SGCZ: variants seen among roughly 807,000 people sequenced by gnomAD.
The protein encoded by SGCZ is sarcoglycan zeta.
In SGCZ, 40 loss-of-function variants were observed where a neutral mutation model predicts 41.3. The ratio of observed to expected loss-of-function variants is 0.97; its 90% CI spans 0.75 to 1.26. The LOEUF (loss-of-function observed/expected upper bound fraction) is 1.26. SGCZ is among the 50% of genes most tolerant of loss of function. The pLI, the probability that SGCZ is intolerant of heterozygous loss-of-function variation, is 0.00. For missense variants in SGCZ, 552 were observed against 369.8 expected, an observed-to-expected ratio of 1.49 and a Z score of -4.04; for synonymous variants, 206 against 137.5, an observed-to-expected ratio of 1.50 and a Z score of -3.49.
chr8:15,198,210 G>A (rs945723064), intron 1 of SGCZ, among the ~76,000 whole-genome samples: 5 of 151,646 alleles, frequency 3.3e-5, no homozygotes, highest in African/African-American at 9.7e-5. Flanking sequence ...AGCTAAGCAA[G>A]TGTAGCTAAA....
chr8:14,157,522 A>G (rs953095453), intron 5 of SGCZ, among the ~76,000 whole-genome samples: 1 of 151,234 alleles, frequency 6.6e-6, no homozygotes, highest in Non-Finnish European at 1.5e-5. Context: ...TACTATTTTT[A>G]CCAAGTGATA....
intron 1 of SGCZ, among the ~76,000 whole-genome samples, chr8:15,229,199 A>T (rs888579781): frequency 1.3e-5 from 2 of 151,628 alleles, no homozygotes; most frequent in Non-Finnish European, 2.9e-5. Flanking sequence ...CTCAAAAAAT[A>T]AAAAAAAATG....
intron 2 of SGCZ, among the ~76,000 whole-genome samples, chr8:14,348,371 T>A (rs1047750732): frequency 6.6e-6 from 1 of 152,122 alleles, no homozygotes; most frequent in Non-Finnish European, 1.5e-5. Context: ...TCACTTCTTG[T>A]GTCCCTGGCT....
chr8:15,097,438 C>T (rs893008486), intron 1 of SGCZ, among the ~76,000 whole-genome samples: 1 of 151,680 alleles, frequency 6.6e-6, no homozygotes, highest in African/African-American at 2.4e-5. Context: ...ACATTTATTG[C>T]TGAGTGTGAA....
chr8:15,017,269 G>A (rs187859706), intron 1 of SGCZ, among the ~76,000 whole-genome samples: 9 of 151,972 alleles, frequency 5.9e-5, no homozygotes, highest in African/African-American at 9.7e-5. Flanking sequence ...TATAGGATTC[G>A]ATAATGCATG....
intron 1 of SGCZ, among the ~76,000 whole-genome samples, chr8:14,777,724 G>T (rs191913266): frequency 1.3e-5 from 2 of 152,216 alleles, no homozygotes; most frequent in East Asian, 3.9e-4. Flanking sequence ...GTTAATGCAT[G>T]TATGTGGGTA....
chr8:14,143,042 T>A (rs545628060), intron 5 of SGCZ, among the ~76,000 whole-genome samples: 5 of 148,550 alleles, frequency 3.4e-5, no homozygotes, highest in African/African-American at 1.2e-4. Context: ...CCTGTGTCAA[T>A]AGGCTAAAAA....
intron 1 of SGCZ, among the ~76,000 whole-genome samples, chr8:15,132,989 T>TA (rs1807967494): frequency 6.6e-6 from 1 of 151,744 alleles, no homozygotes; most frequent in Non-Finnish European, 1.5e-5. Context: ...AGAACACAAA[T>TA]AAAATTAGCC....
At chr8:14,651,364 C>T (rs1037252852) in intron 1 of SGCZ, among the ~76,000 whole-genome samples, 2 of 151,950 alleles carry the variant, frequency 1.3e-5, no homozygotes, top group African/African-American at 4.8e-5. Flanking sequence ...GTTGGCAGAG[C>T]AGGAATTGAA....
At chr8:14,712,039 T>A (rs1377886250) in intron 1 of SGCZ, among the ~76,000 whole-genome samples, 1 of 151,918 alleles carries the variant, frequency 6.6e-6, no homozygotes, top group African/African-American at 2.4e-5. Flanking sequence ...GAGGCTGAGG[T>A]GGGTGGATCA....
intron 4 of SGCZ, among the ~76,000 whole-genome samples, chr8:14,197,936 T>A (rs1297435024): frequency 6.6e-6 from 1 of 152,160 alleles, no homozygotes; most frequent in Non-Finnish European, 1.5e-5. Flanking sequence ...ACTAAAAGAA[T>A]GTTATTTTAG....
intron 2 of SGCZ, among the ~76,000 whole-genome samples, chr8:14,365,528 A>G (rs956738727): frequency 6.6e-6 from 1 of 152,048 alleles, no homozygotes; most frequent in Non-Finnish European, 1.5e-5. Context: ...TGTTTATTAT[A>G]GTGTTTGTCT....
intron 2 of SGCZ, among the ~76,000 whole-genome samples, chr8:14,384,246 G>A (rs1045190492): frequency 1.3e-5 from 2 of 152,044 alleles, no homozygotes; most frequent in African/African-American, 4.8e-5. Context: ...ATAGTTTGCT[G>A]AGAATGATGG....
chr8:15,157,204 T>C (rs17121056), intron 1 of SGCZ, among the ~76,000 whole-genome samples: 6,311 of 152,038 alleles, frequency 0.042, 318 homozygotes, highest in African/African-American at 0.12. Context: ...CCCATAAATA[T>C]TTTTCCCTAC....
chr8:14,772,269 A>G (rs1394458774), intron 1 of SGCZ, among the ~76,000 whole-genome samples: 3 of 152,110 alleles, frequency 2.0e-5, no homozygotes, highest in Non-Finnish European at 4.4e-5. Flanking sequence ...AACTTAGTAT[A>G]TTTTCAACTC....
chr8:15,222,218 T>C (rs1440681065), intron 1 of SGCZ, among the ~76,000 whole-genome samples: 1 of 152,182 alleles, frequency 6.6e-6, no homozygotes, highest in African/African-American at 2.4e-5. Context: ...AAATATAGGA[T>C]ATTGGATCCA....
At chr8:14,527,913 G>A (rs906535965) in intron 2 of SGCZ, among the ~76,000 whole-genome samples, 4 of 152,124 alleles carry the variant, frequency 2.6e-5, no homozygotes, top group South Asian at 2.1e-4. Context: ...AAAGTGGGAG[G>A]TGGGGGAGTA....
intron 1 of SGCZ, among the ~76,000 whole-genome samples, chr8:14,976,114 C>G (rs1200588070): frequency 6.6e-6 from 1 of 151,332 alleles, no homozygotes; most frequent in Non-Finnish European, 1.5e-5. Flanking sequence ...CCTCTGCCTC[C>G]TGGTTTCAAG....
chr8:15,159,261 G>A (rs1390889507), intron 1 of SGCZ, among the ~76,000 whole-genome samples: 2 of 152,182 alleles, frequency 1.3e-5, no homozygotes, highest in Non-Finnish European at 1.5e-5. Flanking sequence ...AGGCATGGGA[G>A]CTCACCACCA....
Sources: gnomAD v4.1 joint callset for allele counts (sites outside exome capture counted in the v4.1 genomes callset) on GRCh38, gnomAD v4.1.1 for gene constraint, MANE v1.5 for transcripts, NCBI Gene and HGNC (gene_info 2026-07-23, HGNC 2026-07-21) for gene names.